Variants in CHRNA7 observed in about 807,000 individuals in gnomAD.
CHRNA7 encodes cholinergic receptor nicotinic alpha 7 subunit.
CHRNA7 carries 17 observed loss-of-function variants against 48.0 expected under a neutral mutation model. The observed-to-expected ratio is 0.35, with a 90% CI of 0.24 to 0.53. The LOEUF (loss-of-function observed/expected upper bound fraction) is 0.53. CHRNA7 is among the 20% of genes least tolerant of loss of function. CHRNA7 has a pLI of 0.92. For synonymous variants in CHRNA7, 75 were observed against 242.3 expected (o/e 0.31, Z 6.41); for missense variants, 155 against 577.7 (o/e 0.27, Z 7.50).
intron 4 of CHRNA7, among the ~76,000 whole-genome samples, chr15:32,135,175 G>A (rs2051231736): frequency 6.6e-6 from 1 of 152,224 alleles, no homozygotes; most frequent in Non-Finnish European, 1.5e-5. Flanking sequence ...TCATGCCGGG[G>A]ATAGGTGCTC....
At chr15:32,076,737 A>G (rs2050141538) in intron 2 of CHRNA7, among the ~76,000 whole-genome samples, 1 of 152,160 alleles carries the variant, frequency 6.6e-6, no homozygotes, top group East Asian at 1.9e-4. Flanking sequence ...CCCTGACCAG[A>G]GTGGTACATT....
chr15:32,078,679 AG>A (rs985368855), intron 2 of CHRNA7, among the ~76,000 whole-genome samples: 9 of 150,950 alleles, frequency 6.0e-5, no homozygotes, highest in African/African-American at 1.9e-4. Context: ...AAAAAAAAAA[AG>A]CCCAGGACCA....
chr15:32,087,844 C>T (rs562011567), intron 2 of CHRNA7, among the ~76,000 whole-genome samples: 1 of 152,198 alleles, frequency 6.6e-6, no homozygotes, highest in Non-Finnish European at 1.5e-5. Context: ...TAGACCAGCA[C>T]CTTTTTCTCC....
At chr15:32,045,760 T>G (rs185066661) in intron 2 of CHRNA7, among the ~76,000 whole-genome samples, 2 of 151,622 alleles carry the variant, frequency 1.3e-5, no homozygotes, top group East Asian at 3.9e-4. Flanking sequence ...GCTGGTGTGC[T>G]GCACCCATTA....
chr15:32,057,959 A>T (rs576016807), intron 2 of CHRNA7, among the ~76,000 whole-genome samples: 2 of 152,316 alleles, frequency 1.3e-5, no homozygotes, highest in African/African-American at 4.8e-5. Flanking sequence ...ATGTCTCCAG[A>T]TCTGTCCTGG....
intron 3 of CHRNA7, among the ~76,000 whole-genome samples, chr15:32,106,676 A>G (rs2050674704): frequency 1.3e-5 from 2 of 152,222 alleles, no homozygotes; most frequent in Admixed American, 1.3e-4. Context: ...CTGAAGAGAC[A>G]TTTGAACCAT....
intron 4 of CHRNA7, among the ~76,000 whole-genome samples, chr15:32,136,689 A>G (rs949841372): frequency 6.6e-6 from 1 of 152,080 alleles, no homozygotes; most frequent in African/African-American, 2.4e-5. Context: ...CATTAAGAAT[A>G]CTATATTTAA....
At chr15:32,102,935 A>G (rs919026980) in intron 3 of CHRNA7, 2 of 152,242 alleles carry the variant, frequency 1.3e-5, no homozygotes, top group African/African-American at 2.4e-5. Flanking sequence ...CAAAGAAAAG[A>G]ATTTAAACCC....
chr15:32,090,810 C>G (rs904298488), intron 2 of CHRNA7, among the ~76,000 whole-genome samples: 8 of 152,138 alleles, frequency 5.3e-5, no homozygotes, highest in Admixed American at 2.0e-4. Flanking sequence ...TTGGCCAATT[C>G]TGGAAATTTC....
At chr15:32,085,164 G>A (rs2050275865) in intron 2 of CHRNA7, among the ~76,000 whole-genome samples, 1 of 152,050 alleles carries the variant, frequency 6.6e-6, no homozygotes, top group South Asian at 2.1e-4. Flanking sequence ...ACATGTCCCT[G>A]TAGGTCACTT....
intron 2 of CHRNA7, among the ~76,000 whole-genome samples, chr15:32,075,746 A>T (rs1388206667): frequency 1.3e-5 from 2 of 149,602 alleles, no homozygotes; most frequent in African/African-American, 2.5e-5. Context: ...TCTCTGGGAA[A>T]TTTTTTTTTC....
At position 32,050,083 on chromosome 15, in the gene CHRNA7, T is replaced by G. The variant is rs189389653; in HGVS notation, c.195+19046T>G. On this transcript the variant is annotated intron_variant, in intron 2 of 9. Coordinates refer to ENST00000306901, the MANE Select transcript of CHRNA7 (RefSeq NM_000746.6). ...TCTCTCTGGCTGCCCTTAACGTTTTTTCTTTCATTTCCACTTTGGTGAATC... is the reference window on the plus strand; with the variant it reads ...TCTCTCTGGCTGCCCTTAACGTTTTGTCTTTCATTTCCACTTTGGTGAATC... Among the ~76,000 whole-genome samples the G allele has an allele frequency of 2.6e-5, 4 of 152,342 alleles. No homozygotes were observed. In the East Asian group the frequency reaches 7.7e-4, roughly 29 times the overall value.
intron 2 of CHRNA7, among the ~76,000 whole-genome samples, chr15:32,061,172 T>C (rs1256839864): frequency 5.9e-5 from 9 of 152,198 alleles, no homozygotes; most frequent in Admixed American, 5.2e-4. Flanking sequence ...GGAACCACCA[T>C]GCTCAGCGGG....
intron 4 of CHRNA7, among the ~76,000 whole-genome samples, chr15:32,150,429 G>A (rs1001964281): frequency 6.6e-6 from 1 of 152,172 alleles, no homozygotes; most frequent in African/African-American, 2.4e-5. Context: ...GTCTGGTGCG[G>A]GTTAGATGCC....
intron 4 of CHRNA7, among the ~76,000 whole-genome samples, chr15:32,130,304 C>G (rs866430085): frequency 6.6e-6 from 1 of 151,826 alleles, no homozygotes; most frequent in African/African-American, 2.4e-5. Flanking sequence ...GTGAACTTGT[C>G]TATATCTTTT....
In CHRNA7 at chr15:32,163,594, TG is replaced by T. The variant is rs2051971349; in HGVS notation, c.990+260del. On this transcript the variant is annotated intron_variant, in intron 9 of 9. Transcript: ENST00000306901. ...CCTCCTAAGTAGCTGGGACTACAGG[TG>T]CCTGCCACCACACCTGGCCAATTTT... 1.5e-5 allele frequency: 2 copies of T among 132,372 alleles called. 1 individual carries two copies. Among genetic ancestry groups the T allele is most frequent in the African/African-American group, 1.0e-4 (2 of 19,596 alleles). The allele number at this position is 132,372 out of a possible 1,614,324, so 8.2% of individuals were successfully genotyped here.
In CHRNA7 at chr15:32,114,644, G is replaced by A. The variant is rs904943045; in HGVS notation, c.350+2745G>A. ...TTTTGAAGTAACTGCTAAATATATG[G>A]CCCGCAGGTCCACATGAACCCAACG... is the stretch of plus-strand genomic sequence containing the variant. On this transcript the variant is annotated intron_variant, in intron 4 of 9. Coordinates refer to ENST00000306901, the MANE Select transcript of CHRNA7 (RefSeq NM_000746.6). Among the ~76,000 whole-genome samples the A allele has an allele frequency of 9.8e-5, 15 of 152,334 alleles. 1 individual carries two copies. The South Asian group carries it at 3.1e-3, about 32-fold the overall frequency.
chr15:32,123,987 C>T (rs1469116629), intron 4 of CHRNA7, among the ~76,000 whole-genome samples: 21 of 145,682 alleles, frequency 1.4e-4, no homozygotes, highest in Admixed American at 1.4e-3. Flanking sequence ...AAAAAACAGC[C>T]TACAAAAAAC....
chr15:32,052,568 A>C (rs983017743), intron 2 of CHRNA7, among the ~76,000 whole-genome samples: 2 of 152,114 alleles, frequency 1.3e-5, no homozygotes, highest in Non-Finnish European at 2.9e-5. Flanking sequence ...ATTTCTACTA[A>C]AAATACAAAA....
Sources: allele counts gnomAD v4.1 joint callset (sites outside exome capture counted in the v4.1 genomes callset), GRCh38; gene constraint gnomAD v4.1.1; transcripts MANE v1.5; gene names NCBI Gene and HGNC (gene_info 2026-07-23, HGNC 2026-07-21).